Variants in SMPD3 observed in about 807,000 individuals in gnomAD.
SMPD3 encodes the protein sphingomyelin phosphodiesterase 3, also known as nSMase-2.
In SMPD3, 21 loss-of-function variants were observed where a neutral mutation model predicts 55.7. The ratio of observed to expected loss-of-function variants is 0.38; its 90% CI spans 0.27 to 0.54. SMPD3 has a LOEUF of 0.54. Ranked by LOEUF, SMPD3 falls within the 20% of genes least tolerant of loss-of-function variation. SMPD3 has a pLI of 0.80. For missense variants in SMPD3, 842 were observed against 899.6 expected, an observed-to-expected ratio of 0.94 and a Z score of 0.82; for synonymous variants, 457 against 404.3, an observed-to-expected ratio of 1.13 and a Z score of -1.56.
intron 2 of SMPD3, among the ~76,000 whole-genome samples, chr16:68,375,218 G>A (rs2089780806): frequency 6.9e-6 from 1 of 145,088 alleles, no homozygotes; most frequent in African/African-American, 2.6e-5. Context: ...CCCTTTGGTG[G>A]TCTCACTGTC....
At chr16:68,375,452 A>G (rs1045643371) in intron 2 of SMPD3, among the ~76,000 whole-genome samples, 8 of 152,258 alleles carry the variant, frequency 5.3e-5, no homozygotes, top group African/African-American at 1.7e-4. Context: ...GCTATTCCAC[A>G]GTGTGGCCAC....
At chr16:68,418,290 T>C (rs1343786384) in intron 1 of SMPD3, among the ~76,000 whole-genome samples, 1 of 150,322 alleles carries the variant, frequency 6.7e-6, no homozygotes, top group Non-Finnish European at 1.5e-5. Context: ...ATGACTCAAA[T>C]ACCCACAAGA....
intron 1 of SMPD3, among the ~76,000 whole-genome samples, chr16:68,440,692 A>T (rs1461319407): frequency 6.6e-6 from 1 of 152,218 alleles, no homozygotes; most frequent in Non-Finnish European, 1.5e-5. Flanking sequence ...CAGAAAACTG[A>T]GACTCAGTGT....
intron 1 of SMPD3, among the ~76,000 whole-genome samples, chr16:68,414,263 A>G (rs2090322839): frequency 6.6e-6 from 1 of 152,248 alleles, no homozygotes; most frequent in South Asian, 2.1e-4. Context: ...GGACAATAGG[A>G]TATTTTGAAA....
intron 1 of SMPD3, among the ~76,000 whole-genome samples, chr16:68,394,835 A>G (rs2090141764): frequency 6.6e-6 from 1 of 152,250 alleles, no homozygotes. Context: ...CATCAGGCAG[A>G]GCTGGAGATA....
At chr16:68,369,045 C>T (rs1306780989) in intron 3 of SMPD3, 1 of 152,006 alleles carries the variant, frequency 6.6e-6, no homozygotes, top group African/African-American at 2.4e-5. Context: ...CGGTGAAACT[C>T]CGTCTCTACT....
At chr16:68,384,091 A>G (rs921823519) in intron 2 of SMPD3, among the ~76,000 whole-genome samples, 3 of 152,128 alleles carry the variant, frequency 2.0e-5, no homozygotes, top group Non-Finnish European at 4.4e-5. Context: ...TTGCCCAGGC[A>G]CCTAGGCAGG....
rs2089235473 is a variant in SMPD3, at chr16:68,361,136, T to A, written c.*70A>T. ...CCTCCCCCAAGCACCGGGCACTCGA[T>A]GGAGGGGACATGGCCCAGGGATGGG... On this transcript the variant is annotated 3_prime_UTR_variant, in exon 9 of 9. Coordinates refer to ENST00000219334, the MANE Select transcript of SMPD3 (RefSeq NM_018667.4). The A allele has an allele frequency of 1.4e-6, 2 of 1,424,352 alleles. No homozygotes were observed. Among genetic ancestry groups the A allele is most frequent in the East Asian group, 4.8e-5 (2 of 41,508 alleles). The allele number at this position is 1,424,352 out of a possible 1,614,324, so 88.2% of individuals were successfully genotyped here. A position where few individuals can be genotyped will look rare whatever the true frequency, so the allele number is the denominator to read the frequency against.
At chr16:68,381,549 T>C (rs187665040) in intron 2 of SMPD3, among the ~76,000 whole-genome samples, 1 of 152,262 alleles carries the variant, frequency 6.6e-6, no homozygotes, top group East Asian at 1.9e-4. Context: ...ACGTGATGAG[T>C]TCTGACCAAT....
At chr16:68,369,068 T>A (rs2089574957) in intron 3 of SMPD3, 1 of 151,798 alleles carries the variant, frequency 6.6e-6, no homozygotes, top group East Asian at 1.9e-4. Context: ...AAATAAAAAA[T>A]TAGCCAGGCG....
At chr16:68,410,756 G>C (rs936910747) in intron 1 of SMPD3, among the ~76,000 whole-genome samples, 3 of 152,238 alleles carry the variant, frequency 2.0e-5, no homozygotes, top group African/African-American at 7.2e-5. Flanking sequence ...CCCAGACACA[G>C]AGAAGGACTT....
chr16:68,399,228 G>C (rs956544197), intron 1 of SMPD3, among the ~76,000 whole-genome samples: 1 of 152,164 alleles, frequency 6.6e-6, no homozygotes, highest in Non-Finnish European at 1.5e-5. Context: ...GGACTGGCTA[G>C]GCTGTGCAGT....
intron 1 of SMPD3, among the ~76,000 whole-genome samples, chr16:68,446,215 G>C (rs1184056507): frequency 6.6e-6 from 1 of 152,194 alleles, no homozygotes; most frequent in Non-Finnish European, 1.5e-5. Flanking sequence ...GATAAAATGG[G>C]AAGGGCAGGG....
intron 1 of SMPD3, among the ~76,000 whole-genome samples, chr16:68,392,679 C>T (rs748786735): frequency 1.3e-4 from 20 of 151,836 alleles, no homozygotes; most frequent in Non-Finnish European, 1.9e-4. Flanking sequence ...CTGGCCAACA[C>T]GCGAAACTCT....
intron 8 of SMPD3, 45 bp downstream of exon 8, chr16:68,361,558 G>A: frequency 6.3e-7 from 1 of 1,597,804 alleles, no homozygotes; most frequent in Non-Finnish European, 8.5e-7. Flanking sequence ...CCCGGGCCCT[G>A]CTCTCTCTTT....
At chr16:68,433,282 C>A (rs1214014332) in intron 1 of SMPD3, among the ~76,000 whole-genome samples, 3 of 152,208 alleles carry the variant, frequency 2.0e-5, no homozygotes, top group African/African-American at 7.2e-5. Flanking sequence ...CTCTCATCAC[C>A]AGCCTCTGTG....
chr16:68,379,147 G>A (rs1481942607), intron 2 of SMPD3, among the ~76,000 whole-genome samples: 2 of 152,218 alleles, frequency 1.3e-5, no homozygotes, highest in East Asian at 3.8e-4. Context: ...GTGGCTCCCC[G>A]TTGACGTCCC....
At chr16:68,407,924 C>A (rs1402260037) in intron 1 of SMPD3, among the ~76,000 whole-genome samples, 9 of 152,126 alleles carry the variant, frequency 5.9e-5, no homozygotes, top group Admixed American at 5.2e-4. Flanking sequence ...AAATCAACTT[C>A]ATTTATTTCC....
chr16:68,435,491 T>C (rs531127358), intron 1 of SMPD3, among the ~76,000 whole-genome samples: 13 of 146,336 alleles, frequency 8.9e-5, no homozygotes, highest in African/African-American at 3.0e-4. Flanking sequence ...ATTTTTTTTT[T>C]CATTTATTCA....
Sources: gnomAD v4.1 joint callset for allele counts (sites outside exome capture counted in the v4.1 genomes callset) on GRCh38, gnomAD v4.1.1 for gene constraint, MANE v1.5 for transcripts, NCBI Gene and HGNC (gene_info 2026-07-23, HGNC 2026-07-21) for gene names.